MYO18B: variants seen among roughly 807,000 people sequenced by gnomAD.
MYO18B encodes unconventional myosin-XVIIIb.
A neutral mutation model predicts 273.0 loss-of-function variants in MYO18B; 204 were observed. The observed-to-expected ratio is 0.75, with a 90% confidence interval of 0.67 to 0.84. The LOEUF is 0.84. MYO18B is among the 40% of genes least tolerant of loss of function. MYO18B has a pLI of 0.00. For missense variants in MYO18B, 3,212 were observed against 3,287.6 expected, an observed-to-expected ratio of 0.98 and a Z score of 0.56; for synonymous variants, 1,330 against 1,305.7, an observed-to-expected ratio of 1.02 and a Z score of -0.40.
the MYO18B span, among the ~76,000 whole-genome samples, chr22:26,036,526 A>G: frequency 6.6e-6 from 1 of 152,158 alleles, no homozygotes; most frequent in African/African-American, 2.4e-5. Context: ...ATGAAGGCCC[A>G]GTAGTCTTAT....
intron 39 of MYO18B, among the ~76,000 whole-genome samples, chr22:25,974,155 C>T (rs939348084): frequency 1.3e-5 from 2 of 152,156 alleles, no homozygotes; most frequent in Non-Finnish European, 2.9e-5. Flanking sequence ...TCCTCTAATA[C>T]AACAGCATCT....
At chr22:25,787,435 C>T (rs748284981) in intron 11 of MYO18B, among the ~76,000 whole-genome samples, 6 of 151,964 alleles carry the variant, frequency 3.9e-5, no homozygotes, top group East Asian at 1.9e-4. Flanking sequence ...CCAGGGACCC[C>T]GCTTTGAGAA....
intron 20 of MYO18B, among the ~76,000 whole-genome samples, chr22:25,847,948 TACACACACACACACACAC>T (rs59375568): frequency 6.8e-6 from 1 of 146,176 alleles, no homozygotes; most frequent in African/African-American, 2.5e-5. Flanking sequence ...CACACACACA[TACACACACACACACACAC>T]ACACACACAA....
chr22:25,844,638 C>T (rs1348320543), intron 18 of MYO18B, among the ~76,000 whole-genome samples: 1 of 152,228 alleles, frequency 6.6e-6, no homozygotes, highest in African/African-American at 2.4e-5. Flanking sequence ...AGTGAAGTGG[C>T]TTGCCTTTGC....
In MYO18B at chr22:25,911,554, G is replaced by A. The variant is rs114703616; in HGVS notation, c.5364+504G>A. Among the ~76,000 whole-genome samples the A allele has an allele frequency of 3.2e-3, 490 of 152,256 alleles. 3 individuals are homozygous for A. The highest frequency in any genetic ancestry group is 0.011 in the African/African-American group (456 of 41,532). On this transcript the variant is annotated intron_variant, in intron 33 of 43. Transcript: ENST00000335473. Reference sequence around the variant, plus strand: ...GCTATCACTGTACACCAGGGTTCTCGACTGTCCATCAGTGTACACCAGGGT... The same window carrying A: ...GCTATCACTGTACACCAGGGTTCTCAACTGTCCATCAGTGTACACCAGGGT...
At chr22:25,997,187 G>A (rs966663293) in intron 40 of MYO18B, among the ~76,000 whole-genome samples, 2 of 151,592 alleles carry the variant, frequency 1.3e-5, no homozygotes, top group African/African-American at 4.9e-5. Context: ...GCCGGGCTTG[G>A]TGGTGCACTT....
intron 12 of MYO18B, among the ~76,000 whole-genome samples, chr22:25,814,294 CTTTTTT>C (rs398036691): frequency 5.0e-5 from 3 of 59,496 alleles, no homozygotes; most frequent in Non-Finnish European, 9.7e-5. Context: ...AGGCACCGTT[CTTTTTT>C]TTTTTTTTTT....
intron 34 of MYO18B, among the ~76,000 whole-genome samples, chr22:25,931,883 C>A (rs558117101): frequency 9.0e-4 from 134 of 149,152 alleles, no homozygotes; most frequent in African/African-American, 2.7e-3. Context: ...ACCATCATGT[C>A]CAGCTAATTT....
rs2086625044 is a variant in MYO18B at position 25,769,207 on chromosome 22, G to A, written c.1291G>A (p.Ala431Thr). The change falls in exon 4 of 44, where the codon GCT (alanine) becomes ACT (threonine). Residue 431 changes from alanine to threonine, a missense_variant. Physicochemically the swap from Ala to Thr is moderately conservative, Grantham distance 58. Transcript: ENST00000335473. ...GAGCACAATGGTGGAGTCGCCAGCA[G>A]CTCCTGGGAAGGGAGGCTGGCCAGG... Reference protein sequence around the residue: ...EVSTMVESPAAPGKGGWPGSR... With the variant: ...EVSTMVESPATPGKGGWPGSR... 1 of 1,606,834 alleles carries A rather than the reference G, an allele frequency of 6.2e-7. No homozygotes were observed. The highest frequency in any genetic ancestry group is 2.2e-5 in the East Asian group (1 of 44,618).
downstream of MYO18B, among the ~76,000 whole-genome samples, chr22:26,034,505 A>T (rs928114485): frequency 6.6e-6 from 1 of 152,250 alleles, no homozygotes; most frequent in African/African-American, 2.4e-5. Flanking sequence ...ATTGGCAGAT[A>T]GCCTGCAGTA....
chr22:25,989,312 T>G (rs1018394715), intron 39 of MYO18B, among the ~76,000 whole-genome samples: 11 of 152,170 alleles, frequency 7.2e-5, no homozygotes, highest in African/African-American at 2.4e-4. Context: ...GAACCAATGC[T>G]TTTAGGATTC....
At chr22:25,839,902 C>T (rs1293258355) in intron 17 of MYO18B, among the ~76,000 whole-genome samples, 1 of 152,208 alleles carries the variant, frequency 6.6e-6, no homozygotes, top group African/African-American at 2.4e-5. Context: ...GATGGCAGTC[C>T]TGGTGAAACC....
intron 1 of MYO18B, among the ~76,000 whole-genome samples, chr22:25,758,298 C>T (rs1008898278): frequency 6.6e-6 from 1 of 151,478 alleles, no homozygotes; most frequent in Non-Finnish European, 1.5e-5. Flanking sequence ...AGATGTGAGC[C>T]ACCACAACTG....
chr22:25,922,794 C>G (rs2092367076), intron 34 of MYO18B, among the ~76,000 whole-genome samples: 1 of 152,198 alleles, frequency 6.6e-6, no homozygotes, highest in African/African-American at 2.4e-5. Context: ...AACAGCGATC[C>G]CACAGCTTCG....
In MYO18B at chr22:25,921,392, G is replaced by A; in HGVS notation, c.5500G>A (p.Glu1834Lys). ...GACATCAGTCAGCAAGGAGGAGCTGGAGAAAGTGCACAGCCAGGTGGGTGT... is the reference window on the plus strand; with the variant it reads ...GACATCAGTCAGCAAGGAGGAGCTGAAGAAAGTGCACAGCCAGGTGGGTGT... ...GKTSVSKEEL[E>K]KVHSQLEQSE... Residue 1834 changes from glutamate to lysine, a missense_variant, in exon 34 of 44, where the codon GAG (glutamate) becomes AAG (lysine). Physicochemically the swap from Glu to Lys is moderately conservative, Grantham distance 56. Transcript: ENST00000335473. 1 of 1,601,838 alleles carries A rather than the reference G, an allele frequency of 6.2e-7. No homozygotes were observed. The highest frequency in any genetic ancestry group is 1.3e-5 in the African/African-American group (1 of 74,848).
At chr22:25,997,321 AAAAAAAAAAC>A (rs1431452673) in intron 40 of MYO18B, among the ~76,000 whole-genome samples, 2 of 149,466 alleles carry the variant, frequency 1.3e-5, no homozygotes, top group African/African-American at 2.5e-5. Flanking sequence ...AAAAAAAAAA[AAAAAAAAAAC>A]GAAGGAAAAA....
At position 25,768,320 on chromosome 22, in the gene MYO18B, C is replaced by T. The variant is rs371265439; in HGVS notation, c.404C>T (p.Ala135Val). The change falls in exon 4 of 44, where the codon GCG (alanine) becomes GTG (valine). Residue 135 changes from alanine (A) to valine (V), a missense_variant. Coordinates refer to ENST00000335473, the MANE Select transcript of MYO18B (RefSeq NM_032608.7). ...AAGGCCCAGGAGCTGGGCTCCAGTG[C>T]GACACCAACCAAAAAGACTGTCCCC... ...GEKAQELGSS[A>V]TPTKKTVPFK... The T allele has an allele frequency of 4.4e-5, 71 of 1,613,546 alleles. No homozygotes were observed. The highest frequency in any genetic ancestry group is 4.5e-5 in the Non-Finnish European group (53 of 1,179,724).
At chr22:25,946,686 C>T (rs1250019388) in intron 35 of MYO18B, among the ~76,000 whole-genome samples, 1 of 152,108 alleles carries the variant, frequency 6.6e-6, no homozygotes, top group Non-Finnish European at 1.5e-5. Flanking sequence ...GTGTGCCCAC[C>T]CTGCTTGCCA....
At chr22:25,901,806 GTTTTTT>G (rs34278088) in intron 29 of MYO18B, among the ~76,000 whole-genome samples, 1 of 92,198 alleles carries the variant, frequency 1.1e-5, no homozygotes, top group Non-Finnish European at 2.0e-5. Flanking sequence ...TTTTGGGTTG[GTTTTTT>G]TTTTTTTTTT....
Sources: allele counts gnomAD v4.1 joint callset (sites outside exome capture counted in the v4.1 genomes callset), GRCh38; gene constraint gnomAD v4.1.1; transcripts MANE v1.5; gene names NCBI Gene and HGNC (gene_info 2026-07-23, HGNC 2026-07-21).